The following DPP6 variants were observed in gnomAD, a reference collection of about 807,000 sequenced individuals.
DPP6 encodes dipeptidyl peptidase like 6.
DPP6 carries 69 observed loss-of-function variants against 122.6 expected under a neutral mutation model. That is an observed-to-expected ratio of 0.56 (90% CI 0.46 to 0.69). The LOEUF is 0.69. Ranked by LOEUF, DPP6 falls within the 30% of genes least tolerant of loss-of-function variation. DPP6 has a pLI of 0.00. For synonymous variants in DPP6, 418 were observed against 433.1 expected (o/e 0.97, Z 0.43); for missense variants, 928 against 1,116.9 (o/e 0.83, Z 2.41).
chr7:154,392,272 T>TCAAA (rs1289442936), intron 1 of DPP6, among the ~76,000 whole-genome samples: 5 of 152,140 alleles, frequency 3.3e-5, no homozygotes, highest in South Asian at 2.1e-4. Context: ...AGACTCTGAC[T>TCAAA]CAAACAAACA....
intron 1 of DPP6, among the ~76,000 whole-genome samples, chr7:154,245,735 T>C (rs1447014170): frequency 6.6e-6 from 1 of 150,892 alleles, no homozygotes; most frequent in African/African-American, 2.4e-5. Context: ...CTGATAATAA[T>C]AAAATGGTTA....
At chr7:154,006,437 T>G (rs1186583944) in intron 1 of DPP6, among the ~76,000 whole-genome samples, 3 of 152,150 alleles carry the variant, frequency 2.0e-5, no homozygotes, top group African/African-American at 7.2e-5. Context: ...TCTTTGTAGA[T>G]TCTTTCTGAA....
chr7:154,620,178 T>C (rs1468690336), intron 5 of DPP6, among the ~76,000 whole-genome samples: 1 of 152,170 alleles, frequency 6.6e-6, no homozygotes, highest in Non-Finnish European at 1.5e-5. Flanking sequence ...ATTAGCTAAT[T>C]ACATCAGTAT....
chr7:153,771,686 C>T, the DPP6 span, among the ~76,000 whole-genome samples: 2 of 151,956 alleles, frequency 1.3e-5, no homozygotes, highest in African/African-American at 2.4e-5. Flanking sequence ...AGAGTCAACA[C>T]AGAATTTTAT....
At chr7:154,185,330 T>C (rs1469767757) in intron 1 of DPP6, among the ~76,000 whole-genome samples, 2 of 152,164 alleles carry the variant, frequency 1.3e-5, no homozygotes, top group African/African-American at 4.8e-5. Flanking sequence ...TTTTTTTCAG[T>C]TGTCAGAAGC....
chr7:153,768,976 T>A, the DPP6 span, among the ~76,000 whole-genome samples: 1 of 152,164 alleles, frequency 6.6e-6, no homozygotes, highest in Non-Finnish European at 1.5e-5. Flanking sequence ...CACTTAGCAA[T>A]TTGGTCGCCA....
rs183350706 is a variant in DPP6, at chr7:154,275,823, A to C, written c.244-170391A>C. ...AACCTTAATGGCCTTAAAGGCCAAGAACTTAATGGCCAAGAAGCCAGACAT... is the reference window on the plus strand; with the variant it reads ...AACCTTAATGGCCTTAAAGGCCAAGCACTTAATGGCCAAGAAGCCAGACAT... On this transcript the variant is annotated intron_variant, in intron 1 of 25. Transcript: ENST00000377770. 1.2e-3 allele frequency among the ~76,000 whole-genome samples: 180 copies of C among 152,370 alleles called. 1 individual carries two copies. The highest frequency in any genetic ancestry group is 4.0e-3 in the African/African-American group (168 of 41,598).
At chr7:153,970,080 A>G (rs1344873983) in intron 1 of DPP6, among the ~76,000 whole-genome samples, 1 of 152,254 alleles carries the variant, frequency 6.6e-6, no homozygotes, top group Admixed American at 6.5e-5. Flanking sequence ...TGATCCATTC[A>G]ACAGTTGATG....
intron 1 of DPP6, among the ~76,000 whole-genome samples, chr7:154,068,211 G>A (rs1802878702): frequency 6.6e-6 from 1 of 151,968 alleles, no homozygotes; most frequent in South Asian, 2.1e-4. Context: ...AGGAGGCATC[G>A]GCTTGACACA....
At chr7:154,006,356 T>A (rs1300982756) in intron 1 of DPP6, among the ~76,000 whole-genome samples, 2 of 151,854 alleles carry the variant, frequency 1.3e-5, no homozygotes, top group Admixed American at 6.6e-5. Flanking sequence ...ATGGCCTTTG[T>A]TCAAGCAAGA....
At chr7:154,749,202 A>T (rs1159214323) in intron 8 of DPP6, among the ~76,000 whole-genome samples, 3 of 137,042 alleles carry the variant, frequency 2.2e-5, no homozygotes, top group Non-Finnish European at 1.6e-5. Flanking sequence ...GGCTTTACTG[A>T]GAGAGGGTGA....
intron 3 of DPP6, among the ~76,000 whole-genome samples, chr7:154,502,530 T>A (rs779007902): frequency 9.2e-5 from 14 of 152,064 alleles, no homozygotes; most frequent in Admixed American, 7.9e-4. Flanking sequence ...AAGGGGAGTT[T>A]CCCTGCACCA....
intron 1 of DPP6, among the ~76,000 whole-genome samples, chr7:153,972,324 C>T (rs1796063518): frequency 6.6e-6 from 1 of 151,386 alleles, no homozygotes; most frequent in Non-Finnish European, 1.5e-5. Context: ...TAGGAAAACA[C>T]TGATGCTGTT....
chr7:154,429,654 T>TTGACA (rs1348367145), intron 1 of DPP6, among the ~76,000 whole-genome samples: 1 of 152,144 alleles, frequency 6.6e-6, no homozygotes. Context: ...TGTGTCACTG[T>TTGACA]CATGGTTGAA....
intron 8 of DPP6, among the ~76,000 whole-genome samples, chr7:154,750,274 G>T (rs893330720): frequency 6.6e-6 from 1 of 152,206 alleles, no homozygotes; most frequent in African/African-American, 2.4e-5. Flanking sequence ...ACAAGAAGCG[G>T]GAGTCGCAGC....
At chr7:153,754,081 T>C in the DPP6 span, among the ~76,000 whole-genome samples, 2 of 152,204 alleles carry the variant, frequency 1.3e-5, no homozygotes, top group Non-Finnish European at 2.9e-5. Flanking sequence ...TTACACTTTG[T>C]GGAAATTTAA....
chr7:153,904,481 A>G (rs1799766211), intron 1 of DPP6, among the ~76,000 whole-genome samples: 1 of 152,272 alleles, frequency 6.6e-6, no homozygotes, highest in African/African-American at 2.4e-5. Context: ...TCCAACTCTA[A>G]TGACTTTATT....
intron 1 of DPP6, among the ~76,000 whole-genome samples, chr7:154,180,850 C>T (rs1798047998): frequency 6.6e-6 from 1 of 152,060 alleles, no homozygotes. Context: ...TCCATCATGC[C>T]TACCTTTTCA....
At chr7:153,795,204 C>G in the DPP6 span, among the ~76,000 whole-genome samples, 2 of 152,196 alleles carry the variant, frequency 1.3e-5, no homozygotes, top group Admixed American at 6.5e-5. Context: ...ATCACGAGGT[C>G]AGGAGATCGA....
Sources: allele counts gnomAD v4.1 joint callset (sites outside exome capture counted in the v4.1 genomes callset), GRCh38; gene constraint gnomAD v4.1.1; transcripts MANE v1.5; gene names NCBI Gene and HGNC (gene_info 2026-07-23, HGNC 2026-07-21).